The following DHX57 variants were observed in gnomAD, a reference collection of about 807,000 sequenced individuals.
DHX57 encodes DExH-box helicase 57.
Under a neutral mutation model 156.2 loss-of-function variants are expected in DHX57, and 105 were observed. The ratio of observed to expected loss-of-function variants is 0.67; its 90% confidence interval spans 0.57 to 0.79. The LOEUF is 0.79. Ranked by LOEUF, DHX57 falls within the 30% of genes least tolerant of loss-of-function variation. DHX57 has a pLI of 0.00. For missense variants in DHX57, 1,847 were observed against 1,661.9 expected (o/e 1.11, Z -1.94); for synonymous variants, 704 against 595.6 (o/e 1.18, Z -2.65).
intron 21 of DHX57, among the ~76,000 whole-genome samples, chr2:38,813,377 T>G (rs1201701133): frequency 2.8e-5 from 4 of 142,692 alleles, no homozygotes; most frequent in Admixed American, 7.0e-5. Context: ...GTATACTAAG[T>G]TTTTTTTTTT....
chr2:38,807,421 G>A (rs929262484), intron 21 of DHX57, among the ~76,000 whole-genome samples: 28 of 150,434 alleles, frequency 1.9e-4, no homozygotes, highest in African/African-American at 6.9e-4. Flanking sequence ...GCAGTGAAGT[G>A]ATCTGGGCTC....
chr2:38,854,976 A>C (rs1181096667), intron 8 of DHX57, 81 bp downstream of exon 8: 1 of 1,459,942 alleles, frequency 6.8e-7, no homozygotes, highest in South Asian at 1.1e-5. Flanking sequence ...CAAATTGCCC[A>C]TGAATCTCCT....
chr2:38,839,359 A>G (rs932322084), intron 12 of DHX57, among the ~76,000 whole-genome samples: 5 of 151,952 alleles, frequency 3.3e-5, no homozygotes, highest in South Asian at 2.1e-4. Context: ...CAAAATAACT[A>G]TAGTTGGTAC....
intron 19 of DHX57, chr2:38,816,325 T>C (rs1344094048): frequency 1.1e-5 from 5 of 438,252 alleles, no homozygotes; most frequent in Admixed American, 2.5e-5. Context: ...AGTGATTCTC[T>C]TGCCTTAACC....
At chr2:38,868,108 TCAG>T in intron 2 of DHX57, 71 bp downstream of exon 2, 3 of 1,549,188 alleles carry the variant, frequency 1.9e-6, no homozygotes, top group Admixed American at 3.6e-5. Flanking sequence ...TTTTCCATTC[TCAG>T]CCATCTGTTG....
intron 2 of DHX57, among the ~76,000 whole-genome samples, 156 bp from the exon 3 acceptor site, chr2:38,863,675 T>C (rs1558405012): frequency 6.6e-6 from 1 of 152,174 alleles, no homozygotes; most frequent in Admixed American, 6.5e-5. Context: ...TTTTCTATAG[T>C]ATTTACCAGA....
chr2:38,850,621 C>CAT (rs70954769), intron 9 of DHX57, among the ~76,000 whole-genome samples: 141,174 of 152,038 alleles, frequency 0.93, 66,484 homozygotes, highest in East Asian at 1. Flanking sequence ...TTAATGAAAA[C>CAT]ATTCTTATAC....
At chr2:38,810,199 TC>T (rs1670169060) in intron 21 of DHX57, among the ~76,000 whole-genome samples, 1 of 147,120 alleles carries the variant, frequency 6.8e-6, no homozygotes, top group Non-Finnish European at 1.5e-5. Flanking sequence ...CTGGCCTTAG[TC>T]TTTTTTTTTT....
At chr2:38,828,137 T>A (rs1383583760) in intron 14 of DHX57, among the ~76,000 whole-genome samples, 1 of 152,218 alleles carries the variant, frequency 6.6e-6, no homozygotes, top group Non-Finnish European at 1.5e-5. Context: ...ATTACAGGCA[T>A]GAGCCACTGA....
At chr2:38,835,927 G>T (rs1026122968) in intron 13 of DHX57, among the ~76,000 whole-genome samples, 1 of 152,150 alleles carries the variant, frequency 6.6e-6, no homozygotes, top group Non-Finnish European at 1.5e-5. Context: ...ATGGATCTTG[G>T]AGAAATTCAA....
intron 13 of DHX57, 36 bp downstream of exon 13, chr2:38,837,795 C>T (rs750190709): frequency 2.3e-6 from 3 of 1,296,010 alleles, no homozygotes; most frequent in Non-Finnish European, 3.4e-6. Context: ...CTAAGTGTTT[C>T]AATTGTCATT....
In DHX57 at chr2:38,861,659, C is replaced by T; in HGVS notation, c.751G>A (p.Glu251Lys). The T allele has an allele frequency of 6.2e-7, 1 of 1,614,184 alleles. No individual in the cohort carries two copies. Among genetic ancestry groups the T allele is most frequent in the South Asian group, 1.1e-5 (1 of 91,072 alleles). Residue 251 changes from glutamate to lysine, a missense_variant, in exon 5 of 24, where the codon GAG becomes AAG. By Grantham distance (56) the Glu-to-Lys change is moderately conservative. Coordinates refer to ENST00000457308, the MANE Select transcript of DHX57 (RefSeq NM_198963.3). The part of the protein sequence containing the change: ...LDECMEQRQE[E>K]AFALKSICGE... ...CAGATGGACTTGAGAGCAAATGCCT[C>T]TTCCTGTCGCTGTTCCATACACTCA...
intron 19 of DHX57, among the ~76,000 whole-genome samples, chr2:38,818,286 G>T (rs540599651): frequency 1.3e-5 from 2 of 152,264 alleles, no homozygotes; most frequent in East Asian, 3.9e-4. Context: ...CAGCACTTTG[G>T]GTGGCCAAGG....
At chr2:38,874,100 C>CTT (rs35756860) in intron 1 of DHX57, among the ~76,000 whole-genome samples, 7 of 150,626 alleles carry the variant, frequency 4.6e-5, no homozygotes, top group South Asian at 4.2e-4. Context: ...TTCTTTCTTT[C>CTT]TTTTTTTTTG....
rs1356626177 is a variant in DHX57 at position 38,837,898 on chromosome 2, C to T, written c.2475G>A (p.Lys825=). The part of the protein sequence containing the change: ...IKTMSIMDFE[K]VNLELIEALL... ...AGGCCTCTATTAATTCAAGATTCAC[C>T]TTTTCAAAATCCATGATGGACATTG... Residue 825 remains lysine (K), a synonymous_variant, in exon 13 of 24, where the codon AAG becomes AAA. Transcript: ENST00000457308. 10 of 1,613,802 alleles carry T rather than the reference C, an allele frequency of 6.2e-6. No individual in the cohort carries two copies. The highest frequency in any genetic ancestry group is 6.8e-6 in the Non-Finnish European group (8 of 1,179,852).
chr2:38,838,867 A>G (rs954775711), intron 12 of DHX57: 8 of 434,304 alleles, frequency 1.8e-5, no homozygotes, highest in African/African-American at 1.6e-4. Flanking sequence ...CTCCTAATCT[A>G]TCTGCGATCT....
At chr2:38,845,929 G>A (rs1489382952) in intron 11 of DHX57, among the ~76,000 whole-genome samples, 2 of 150,156 alleles carry the variant, frequency 1.3e-5, no homozygotes, top group Non-Finnish European at 1.5e-5. Context: ...GCAATGGCGT[G>A]GTCTCAGCTC....
chr2:38,819,458 G>A (rs549017938), intron 17 of DHX57, among the ~76,000 whole-genome samples: 2 of 152,364 alleles, frequency 1.3e-5, no homozygotes, highest in African/African-American at 4.8e-5. Flanking sequence ...TTATAGGCAT[G>A]AGCCACCACA....
intron 2 of DHX57, among the ~76,000 whole-genome samples, chr2:38,866,226 T>A (rs1380728900): frequency 6.6e-6 from 1 of 152,224 alleles, no homozygotes; most frequent in Non-Finnish European, 1.5e-5. Flanking sequence ...GCCAAAGTCC[T>A]AATAATGGCC....
Sources: allele counts gnomAD v4.1 joint callset (sites outside exome capture counted in the v4.1 genomes callset), GRCh38; gene constraint gnomAD v4.1.1; transcripts MANE v1.5; gene names NCBI Gene and HGNC (gene_info 2026-07-23, HGNC 2026-07-21).